RUNX1: variants seen among roughly 807,000 people sequenced by gnomAD.
The protein encoded by RUNX1 is runt-related transcription factor 1.
A neutral mutation model predicts 42.8 loss-of-function variants in RUNX1; 19 were observed. The ratio of observed to expected loss-of-function variants is 0.44; its 90% CI spans 0.31 to 0.65. The LOEUF is 0.65. RUNX1 is among the 30% of genes least tolerant of loss of function. RUNX1 has a pLI of 0.07. For missense variants in RUNX1, 528 were observed against 672.0 expected (o/e 0.79, Z 2.37); for synonymous variants, 271 against 289.4 (o/e 0.94, Z 0.64).
intron 5 of RUNX1, among the ~76,000 whole-genome samples, chr21:34,872,375 C>T (rs1030877766): frequency 9.9e-5 from 15 of 152,092 alleles, no homozygotes; most frequent in African/African-American, 1.9e-4. Context: ...GTGTACCACC[C>T]CCACCTGCAG....
chr21:34,808,453 G>C (rs888510809), intron 7 of RUNX1, among the ~76,000 whole-genome samples: 2 of 152,138 alleles, frequency 1.3e-5, no homozygotes, highest in African/African-American at 4.8e-5. Flanking sequence ...CACCTCGCCG[G>C]GGAAGCTTTG....
In RUNX1 at chr21:34,974,311, G is replaced by GCTGAAGA. The variant is rs1297375758; in HGVS notation, c.58+74524_58+74530dup. Among the ~76,000 whole-genome samples, 5 of 151,996 alleles carry GCTGAAGA rather than the reference G, an allele frequency of 3.3e-5. No individual in the cohort carries two copies. The East Asian group carries it at 9.7e-4, about 29-fold the overall frequency. ...TGCTCATGGGGCAGAGTCCATATTA[G>GCTGAAGA]CTGAAGACTTGCCTGTCCTCTGCCA... On this transcript the variant is annotated intron_variant, in intron 2 of 8. Transcript: ENST00000675419.
At chr21:34,820,591 C>A (rs953861396) in intron 7 of RUNX1, among the ~76,000 whole-genome samples, 2 of 151,804 alleles carry the variant, frequency 1.3e-5, no homozygotes, top group Non-Finnish European at 2.9e-5. Context: ...ATCCCCTGAA[C>A]CCGGGAGGTA....
intron 2 of RUNX1, 95 bp from the exon 3 acceptor site, chr21:34,893,058 C>A: frequency 1.4e-6 from 1 of 731,176 alleles, no homozygotes; most frequent in Non-Finnish European, 2.4e-6. Flanking sequence ...TTTCTTCTTA[C>A]ACTTTTTAGC....
At chr21:34,864,091 C>T (rs1020434912) in intron 5 of RUNX1, among the ~76,000 whole-genome samples, 16 of 152,212 alleles carry the variant, frequency 1.1e-4, no homozygotes, top group Admixed American at 4.6e-4. Context: ...CAGTCAGCAA[C>T]GGGCGCACCT....
intron 4 of RUNX1, among the ~76,000 whole-genome samples, chr21:34,883,835 G>A (rs528605360): frequency 4.1e-4 from 62 of 152,298 alleles, no homozygotes; most frequent in African/African-American, 1.4e-3. Flanking sequence ...CTTCAAATCC[G>A]TTAACCTTCC....
intron 2 of RUNX1, among the ~76,000 whole-genome samples, chr21:35,044,562 A>AAAG (rs1172494397): frequency 6.6e-6 from 1 of 152,222 alleles, no homozygotes; most frequent in Non-Finnish European, 1.5e-5. Flanking sequence ...CTATTTGATG[A>AAAG]AAGCCAGAAA....
At chr21:34,795,640 G>T (rs747947816) in intron 8 of RUNX1, among the ~76,000 whole-genome samples, 3 of 152,260 alleles carry the variant, frequency 2.0e-5, no homozygotes, top group Non-Finnish European at 4.4e-5. Context: ...TTCTGAGGCT[G>T]CCCTTCCTTG....
intron 3 of RUNX1, among the ~76,000 whole-genome samples, chr21:34,891,335 A>C (rs1187119741): frequency 6.6e-6 from 1 of 152,210 alleles, no homozygotes; most frequent in African/African-American, 2.4e-5. Flanking sequence ...ACTCGATGGG[A>C]TCGCGGGACA....
rs543747876 is a variant in RUNX1, at chr21:34,890,491, C to T, written c.97+2434G>A. On this transcript the variant is annotated intron_variant, in intron 3 of 8. Coordinates refer to ENST00000675419, the MANE Select transcript of RUNX1 (RefSeq NM_001754.5). ...CCGGTCGGGGTCTCTTCCCGAAGCC[C>T]CTGTTCCTGGGGCTTGACTCGGGCC... Among the ~76,000 whole-genome samples, 365 of 152,156 alleles carry T rather than the reference C, an allele frequency of 2.4e-3. 1 individual carries two copies. The highest frequency in any genetic ancestry group is 0.01 in the Middle Eastern group (3 of 294).
Position 34,963,670 on chromosome 21 carries a change from C to T in RUNX1, c.59-70707G>A, listed in dbSNP as rs531368094. 5.3e-5 allele frequency among the ~76,000 whole-genome samples: 8 copies of T among 152,284 alleles called. No homozygotes were observed. The South Asian group carries it at 1.7e-3, about 32-fold the overall frequency. ...TAAGTTGTTCAAGCTATAGTCCACC[C>T]CCAAGAAGTATCACAACTGGGCAGG... On this transcript the variant is annotated intron_variant, in intron 2 of 8. Transcript: ENST00000675419.
chr21:35,001,308 TTATATATATATATA>T (rs3059374), intron 2 of RUNX1, among the ~76,000 whole-genome samples: 2 of 142,442 alleles, frequency 1.4e-5, no homozygotes, highest in African/African-American at 5.1e-5. Context: ...AGTTATGGTT[TTATATATATATATA>T]TATATATATA....
intron 7 of RUNX1, among the ~76,000 whole-genome samples, chr21:34,817,516 A>G (rs2056843736): frequency 1.3e-5 from 2 of 152,182 alleles, no homozygotes; most frequent in African/African-American, 4.8e-5. Flanking sequence ...AGGGCTGCCC[A>G]TTCCTTGTTT....
chr21:34,954,974 C>T (rs1026823450), intron 2 of RUNX1, among the ~76,000 whole-genome samples: 2 of 152,082 alleles, frequency 1.3e-5, no homozygotes, highest in Non-Finnish European at 2.9e-5. Context: ...GCATGGGATT[C>T]GGAGTTGGAA....
chr21:34,986,215 T>G (rs2058886642), intron 2 of RUNX1, among the ~76,000 whole-genome samples: 1 of 152,030 alleles, frequency 6.6e-6, no homozygotes, highest in Non-Finnish European at 1.5e-5. Flanking sequence ...CTGTCCACTG[T>G]TTCACCTTCC....
intron 2 of RUNX1, among the ~76,000 whole-genome samples, chr21:35,029,495 G>A (rs1420198912): frequency 1.3e-5 from 2 of 152,122 alleles, no homozygotes; most frequent in African/African-American, 2.4e-5. Flanking sequence ...GGTAGTTATG[G>A]AGACCACCTG....
intron 2 of RUNX1, among the ~76,000 whole-genome samples, chr21:35,001,924 A>G (rs2146878434): frequency 6.6e-6 from 1 of 152,312 alleles, no homozygotes; most frequent in South Asian, 2.1e-4. Context: ...ATGTACAAGT[A>G]AATTTTAAAC....
chr21:34,848,452 T>C (rs2057347841), intron 6 of RUNX1, among the ~76,000 whole-genome samples: 1 of 152,196 alleles, frequency 6.6e-6, no homozygotes, highest in Admixed American at 6.5e-5. Context: ...CTTTATTTTT[T>C]GAGACAGAGT....
At chr21:34,873,787 T>G (rs1454080146) in intron 5 of RUNX1, among the ~76,000 whole-genome samples, 2 of 152,242 alleles carry the variant, frequency 1.3e-5, no homozygotes, top group East Asian at 3.8e-4. Flanking sequence ...TCGATTGCTC[T>G]GTCTTCAACA....
Sources: allele counts gnomAD v4.1 joint callset (sites outside exome capture counted in the v4.1 genomes callset), GRCh38; gene constraint gnomAD v4.1.1; transcripts MANE v1.5; gene names NCBI Gene and HGNC (gene_info 2026-07-23, HGNC 2026-07-21).